The following ARFGEF1 variants were observed in gnomAD, a reference collection of about 807,000 sequenced individuals.
ARFGEF1 encodes ARF guanine nucleotide exchange factor 1, also known as brefeldin A-inhibited guanine nucleotide-exchange protein 1.
ARFGEF1 carries 42 observed loss-of-function variants against 231.0 expected under a neutral mutation model. That is an observed-to-expected ratio of 0.18 (90% CI 0.14 to 0.24). ARFGEF1 has a LOEUF of 0.24. Among genes scored for constraint, ARFGEF1 ranks in the 10% least tolerant of loss-of-function variants. The pLI, the probability that ARFGEF1 is intolerant of heterozygous loss-of-function variation, is 1.00. For missense variants in ARFGEF1, 1,345 were observed against 2,192.0 expected, an observed-to-expected ratio of 0.61 and a Z score of 7.72; for synonymous variants, 710 against 732.3, an observed-to-expected ratio of 0.97 and a Z score of 0.49.
intron 7 of ARFGEF1, among the ~76,000 whole-genome samples, chr8:67,282,550 C>T (rs140310796): frequency 0.017 from 2,532 of 151,826 alleles, 31 homozygotes; most frequent in Non-Finnish European, 0.028. Context: ...AGTATGTGCT[C>T]GGAAATAAAA....
At chr8:67,217,746 C>T (rs1489191998) in intron 32 of ARFGEF1, 36 bp downstream of exon 32, 4 of 1,600,528 alleles carry the variant, frequency 2.5e-6, no homozygotes, top group South Asian at 2.2e-5. Context: ...ATTCAATATA[C>T]AAATATAAAT....
At chr8:67,223,815 G>A (rs1049013026) in intron 29 of ARFGEF1, among the ~76,000 whole-genome samples, 2 of 152,154 alleles carry the variant, frequency 1.3e-5, no homozygotes, top group Admixed American at 6.5e-5. Context: ...CCGCTCCACT[G>A]AGGCAGGTGG....
At chr8:67,298,871 T>C (rs1395576060) in intron 4 of ARFGEF1, among the ~76,000 whole-genome samples, 1 of 152,188 alleles carries the variant, frequency 6.6e-6, no homozygotes, top group East Asian at 1.9e-4. Flanking sequence ...GTTCAAGTGA[T>C]TCTCCTGCCT....
At chr8:67,299,854 G>A (rs1266278600) in intron 3 of ARFGEF1, among the ~76,000 whole-genome samples, 1 of 152,098 alleles carries the variant, frequency 6.6e-6, no homozygotes, top group Non-Finnish European at 1.5e-5. Flanking sequence ...TATAGTCCCA[G>A]CTACTCAGGA....
intron 32 of ARFGEF1, among the ~76,000 whole-genome samples, 154 bp from the exon 33 acceptor site, chr8:67,216,816 T>C (rs1369203437): frequency 3.9e-5 from 6 of 152,096 alleles, no homozygotes; most frequent in African/African-American, 9.6e-5. Context: ...CTAAAAAACA[T>C]CTAGTAAAAA....
At chr8:67,322,705 A>T (rs891420139) in intron 1 of ARFGEF1, among the ~76,000 whole-genome samples, 31 of 152,194 alleles carry the variant, frequency 2.0e-4, no homozygotes, top group African/African-American at 7.5e-4. Flanking sequence ...ACCGTCTCTT[A>T]AAAACAAAAA....
chr8:67,296,565 C>G lies in ARFGEF1; in HGVS notation c.505G>C (p.Gly169Arg). Residue 169 changes from glycine (G) to arginine (R), a missense_variant, in exon 5 of 39, where the codon GGG becomes CGG. Gly to Arg is a moderately radical substitution (Grantham distance 125). This residue lies in a region of ARFGEF1 where 398 missense variants were observed against 463.2 expected (regional missense o/e 0.86). Coordinates refer to ENST00000262215, the MANE Select transcript of ARFGEF1 (RefSeq NM_006421.5). ...GTTCTCACAGCTTGCAGTACAGTCCCTTCATGAATTTCTATGTGTTGTGAT... is the reference window on the plus strand; with the variant it reads ...GTTCTCACAGCTTGCAGTACAGTCCGTTCATGAATTTCTATGTGTTGTGAT... Reference protein sequence around the residue: ...VTSQHIEIHEGTVLQAVRTCY... With the variant: ...VTSQHIEIHERTVLQAVRTCY... 1 of 1,613,116 alleles carries G rather than the reference C, an allele frequency of 6.2e-7. No individual in the cohort carries two copies. Among genetic ancestry groups the G allele is most frequent in the Non-Finnish European group, 8.5e-7 (1 of 1,179,584 alleles).
chr8:67,300,936 C>G, intron 3 of ARFGEF1, among the ~76,000 whole-genome samples: 1 of 151,500 alleles, frequency 6.6e-6, no homozygotes, highest in East Asian at 1.9e-4. Context: ...AAAAGTATTA[C>G]AGGTCTTGCA....
intron 29 of ARFGEF1, among the ~76,000 whole-genome samples, chr8:67,220,577 A>C (rs2128867506): frequency 6.6e-6 from 1 of 152,350 alleles, no homozygotes; most frequent in Admixed American, 6.5e-5. Context: ...TAAGATACCT[A>C]ATGTGTAATA....
rs144144119 is a variant in ARFGEF1 at position 67,234,498 on chromosome 8, G to A, written c.3290-1553C>T. On this transcript the variant is annotated intron_variant, in intron 22 of 38. Transcript: ENST00000262215. ...GAAAGAAAAGCAATTGAGACAGAGGGGCAGCTATATAAAGTAATGGAAACA... is the reference window on the plus strand; with the variant it reads ...GAAAGAAAAGCAATTGAGACAGAGGAGCAGCTATATAAAGTAATGGAAACA... Among the ~76,000 whole-genome samples the A allele has an allele frequency of 7.5e-4, 114 of 152,128 alleles. 1 individual carries two copies. Among genetic ancestry groups the A allele is most frequent in the African/African-American group, 2.6e-3 (107 of 41,522 alleles).
At position 67,288,041 on chromosome 8, in the gene ARFGEF1, T is replaced by C. The variant is rs76811394; in HGVS notation, c.941A>G (p.Tyr314Cys). 4.3e-3 allele frequency: 6,895 copies of C among 1,601,726 alleles called. 277 individuals carry two copies. The East Asian group carries it at 0.1, about 24-fold the overall frequency. The stretch of plus-strand genomic sequence containing the variant: ...CTCACAATCATGGTTTTCTCCGTCA[T>C]ATAACACTTCATTTTTAGATAATGC... ...AETLSKNEVL[Y>C]DGENHDCEEK... The change falls in exon 7 of 39, where the codon TAT becomes TGT. Residue 314 changes from tyrosine to cysteine, a missense_variant. Around this residue, in one of 14 missense-constraint regions of ARFGEF1, gnomAD observed 398 missense variants for 463.2 expected, o/e 0.86. Coordinates refer to ENST00000262215, the MANE Select transcript of ARFGEF1 (RefSeq NM_006421.5).
intron 17 of ARFGEF1, among the ~76,000 whole-genome samples, chr8:67,257,123 G>C (rs1840482316): frequency 6.6e-6 from 1 of 151,968 alleles, no homozygotes; most frequent in Non-Finnish European, 1.5e-5. Context: ...CTGTCACCCA[G>C]GATGGAGTGC....
At chr8:67,216,716 T>C (rs1191157115) in intron 32 of ARFGEF1, 54 bp from the exon 33 acceptor site, 27 of 1,396,594 alleles carry the variant, frequency 1.9e-5, no homozygotes, top group Non-Finnish European at 2.5e-5. Context: ...ACATGCCACA[T>C]CCAGCATATT....
At chr8:67,256,618 C>A (rs74510055) in intron 17 of ARFGEF1, among the ~76,000 whole-genome samples, 1 of 152,068 alleles carries the variant, frequency 6.6e-6, no homozygotes, top group Non-Finnish European at 1.5e-5. Flanking sequence ...CAGATACCTA[C>A]CCCTAGAAGT....
At chr8:67,202,601 T>C (rs1327061150) in intron 36 of ARFGEF1, among the ~76,000 whole-genome samples, 1 of 152,216 alleles carries the variant, frequency 6.6e-6, no homozygotes, top group Non-Finnish European at 1.5e-5. Context: ...CTTTGGTTTA[T>C]AATAAAAGCT....
intron 16 of ARFGEF1, 98 bp downstream of exon 16, chr8:67,257,987 C>T: frequency 8.1e-7 from 1 of 1,237,676 alleles, no homozygotes; most frequent in South Asian, 1.4e-5. Context: ...ATTCTCTAAA[C>T]AGGGGATTAG....
intron 1 of ARFGEF1, among the ~76,000 whole-genome samples, chr8:67,318,651 AATGAACAACTGGAAACCCAAAATTTT>A (rs1311272177): frequency 1.3e-5 from 2 of 152,228 alleles, no homozygotes; most frequent in African/African-American, 4.8e-5. Context: ...ATATACTAGC[AATGAACAACTGGAAACCCAAAATTTT>A]AAAAAAATAC....
intron 4 of ARFGEF1, 44 bp from the exon 5 acceptor site, chr8:67,296,654 C>CTTTT: frequency 2.6e-6 from 3 of 1,169,132 alleles, no homozygotes; most frequent in Non-Finnish European, 3.5e-6. Flanking sequence ...TTTTCTTTTT[C>CTTTT]TTTTTTTTTT....
intron 3 of ARFGEF1, among the ~76,000 whole-genome samples, chr8:67,300,997 T>C (rs1806461675): frequency 6.6e-6 from 1 of 152,190 alleles, no homozygotes; most frequent in Non-Finnish European, 1.5e-5. Context: ...TTGATAAACT[T>C]AGTAAAGATT....
Sources: allele counts gnomAD v4.1 joint callset (sites outside exome capture counted in the v4.1 genomes callset), GRCh38; gene constraint gnomAD v4.1.1; regional missense constraint gnomAD v4.1.1; transcripts MANE v1.5; gene names NCBI Gene and HGNC (gene_info 2026-07-23, HGNC 2026-07-21).